The following SMTN variants were observed in gnomAD, a reference collection of about 807,000 sequenced individuals.
The protein encoded by SMTN is smoothelin.
SMTN carries 58 observed loss-of-function variants against 102.0 expected under a neutral mutation model. The ratio of observed to expected loss-of-function variants is 0.57; its 90% confidence interval spans 0.46 to 0.71. SMTN has a LOEUF of 0.71. SMTN is among the 30% of genes least tolerant of loss of function. The pLI is 0.00. For missense variants in SMTN, 1,185 were observed against 1,241.7 expected (o/e 0.95, Z 0.69); for synonymous variants, 478 against 497.9 (o/e 0.96, Z 0.53).
intron 1 of SMTN, among the ~76,000 whole-genome samples, chr22:31,070,112 A>G (rs2041962246): frequency 6.6e-6 from 1 of 152,186 alleles, no homozygotes; most frequent in East Asian, 1.9e-4. Context: ...ACTGAAGCGT[A>G]TGCAAATCAG....
chr22:31,085,095 G>A, intron 2 of SMTN: 3 of 1,534,936 alleles, frequency 2.0e-6, no homozygotes, highest in Non-Finnish European at 1.7e-6. Context: ...GGGACGCCTG[G>A]GGACTTGCAC....
Position 31,088,838 on chromosome 22 carries a change from GTCAC to G in SMTN, c.374-29_374-26del, listed in dbSNP as rs779277299. ...TGTCTGCTGTCCACAGCACCTCCCT[GTCAC>G]TCACCTGCCACTTGCTCCTTCCCTT... On this transcript the variant is annotated intron_variant, in intron 5 of 20. Coordinates refer to ENST00000333137, the MANE Select transcript of SMTN (RefSeq NM_134269.3). 7.3e-5 allele frequency: 118 copies of G among 1,612,230 alleles called. No homozygotes were observed. The African/African-American group carries it at 1.5e-3, about 20-fold the overall frequency.
chr22:31,094,011 G>A, intron 11 of SMTN: 1 of 677,536 alleles, frequency 1.5e-6, no homozygotes, highest in Non-Finnish European at 2.4e-6. Context: ...AGTGCTCTAA[G>A]ACTAGGGCAA....
chr22:31,074,152 C>T (rs1168079464), intron 1 of SMTN, among the ~76,000 whole-genome samples: 1 of 151,918 alleles, frequency 6.6e-6, no homozygotes, highest in African/African-American at 2.4e-5. Context: ...CTTTGGGAGG[C>T]TGAGGTGGAC....
At chr22:31,099,280 T>C (rs1174985201) in intron 18 of SMTN, 101 bp downstream of exon 18, 2 of 744,368 alleles carry the variant, frequency 2.7e-6, no homozygotes, top group Admixed American at 5.2e-5. Flanking sequence ...TTCCTGCCAC[T>C]GTGTGGCCTC....
intron 19 of SMTN, 105 bp downstream of exon 19, chr22:31,100,001 G>A: frequency 1.8e-6 from 2 of 1,126,174 alleles, no homozygotes; most frequent in South Asian, 2.9e-5. Context: ...CAGCCACATT[G>A]TCAGTCAGCG....
chr22:31,070,424 T>C (rs1372890396), intron 1 of SMTN, among the ~76,000 whole-genome samples: 1 of 152,084 alleles, frequency 6.6e-6, no homozygotes, highest in African/African-American at 2.4e-5. Flanking sequence ...CTCACGTTGG[T>C]CTTCCATCAG....
At chr22:31,070,781 G>A (rs562393622) in intron 1 of SMTN, among the ~76,000 whole-genome samples, 9 of 152,010 alleles carry the variant, frequency 5.9e-5, no homozygotes, top group South Asian at 4.2e-4. Context: ...AAAATTAACC[G>A]GGTGTGGTGG....
In SMTN at chr22:31,095,954, C is replaced by T. The variant is rs1235905870; in HGVS notation, c.1861+345C>T. On this transcript the variant is annotated intron_variant, in intron 13 of 20. Transcript: ENST00000333137. This position sits in a 1 kb window ranked among gnomAD's most constrained non-coding sequence, Gnocchi z 4.1. Reference sequence around the variant, plus strand: ...TGAATCCAGATACTCCTTCTCCCTGCTGCTCCTCTCTCCCTGAAGTCCATT... The same window carrying T: ...TGAATCCAGATACTCCTTCTCCCTGTTGCTCCTCTCTCCCTGAAGTCCATT... The T allele has an allele frequency of 8.0e-6, 3 of 376,592 alleles. No homozygotes were observed. The highest frequency in any genetic ancestry group is 2.1e-5 in the African/African-American group (1 of 47,552). The allele number at this position is 376,592 out of a possible 1,614,324, so 23.3% of individuals were successfully genotyped here. A position where few individuals can be genotyped will look rare whatever the true frequency, so the allele number is the denominator to read the frequency against.
chr22:31,071,283 G>A (rs1438307765), intron 1 of SMTN, among the ~76,000 whole-genome samples: 1 of 150,896 alleles, frequency 6.6e-6, no homozygotes, highest in African/African-American at 2.4e-5. Flanking sequence ...TCAGGCATGT[G>A]TCAGCAGCCA....
At chr22:31,091,884 T>C in intron 11 of SMTN, 37 bp downstream of exon 11, 1 of 1,513,972 alleles carries the variant, frequency 6.6e-7, no homozygotes, top group South Asian at 1.3e-5. Context: ...TCACCATCCG[T>C]CAGCCTCACA....
chr22:31,101,297 AG>A, intron 20 of SMTN: 1 of 460,152 alleles, frequency 2.2e-6, no homozygotes. Flanking sequence ...CCCAGGCTGC[AG>A]GTCTGGGCCC....
chr22:31,070,216 G>C (rs1602571817), intron 1 of SMTN, among the ~76,000 whole-genome samples: 4 of 152,316 alleles, frequency 2.6e-5, no homozygotes, highest in Admixed American at 2.6e-4. Context: ...GGCAGGGCCA[G>C]CTTCACGTAA....
intron 8 of SMTN, 102 bp downstream of exon 8, chr22:31,090,282 T>G: frequency 1.1e-6 from 1 of 920,126 alleles, no homozygotes; most frequent in Non-Finnish European, 1.6e-6. Flanking sequence ...CAGCTCTAGC[T>G]TCCTCAGGTC....
intron 11 of SMTN, chr22:31,092,560 GA>G: frequency 2.1e-6 from 1 of 471,032 alleles, no homozygotes; most frequent in Non-Finnish European, 4.4e-6. Flanking sequence ...ACCAGGGACT[GA>G]ATGGGACTTT....
At chr22:31,088,323 C>T in intron 3 of SMTN, 190 bp from the exon 4 acceptor site, 1 of 757,684 alleles carries the variant, frequency 1.3e-6, no homozygotes. Flanking sequence ...ATGTAGCCAG[C>T]ACGTCTGAGT....
At chr22:31,080,981 G>C (rs1253032153), upstream of SMTN, among the ~76,000 whole-genome samples, 1 of 152,112 alleles carries the variant, frequency 6.6e-6, no homozygotes, top group African/African-American at 2.4e-5. Flanking sequence ...ACAAAGAGGA[G>C]GGCGGAGAGG....
chr22:31,096,153 G>T, intron 13 of SMTN: 1 of 169,496 alleles, frequency 5.9e-6, no homozygotes. Context: ...GCTTCTGCCA[G>T]GGCCCACTGA....
chr22:31,104,256 A>G, intron 20 of SMTN, 60 bp from the exon 21 acceptor site: 1 of 1,593,750 alleles, frequency 6.3e-7, no homozygotes, highest in Non-Finnish European at 8.6e-7. Flanking sequence ...CTTGGGGTAG[A>G]GGGGCGCCAC....
Sources: allele counts gnomAD v4.1 joint callset (sites outside exome capture counted in the v4.1 genomes callset), GRCh38; gene constraint gnomAD v4.1.1; non-coding constraint Gnocchi (gnomAD v3.1); transcripts MANE v1.5; gene names NCBI Gene and HGNC (gene_info 2026-07-23, HGNC 2026-07-21).